Variants in KTN1 observed in about 807,000 individuals in gnomAD.
KTN1 encodes the protein kinectin 1, also known as kinectin.
Under a neutral mutation model 222.5 loss-of-function variants are expected in KTN1, and 130 were observed. The ratio of observed to expected loss-of-function variants is 0.58; its 90% CI spans 0.51 to 0.68. KTN1 has a LOEUF of 0.68. KTN1 is among the 30% of genes least tolerant of loss of function. The pLI is 0.00. For missense variants in KTN1, 1,508 were observed against 1,500.4 expected (o/e 1.01, Z -0.08); for synonymous variants, 512 against 496.3 (o/e 1.03, Z -0.42).
chr14:55,673,134 A>G, intron 39 of KTN1, 38 bp from the exon 40 acceptor site: 1 of 1,553,150 alleles, frequency 6.4e-7, no homozygotes, highest in Non-Finnish European at 8.9e-7. Flanking sequence ...ATGGGCTATC[A>G]TAAGGAGATC....
chr14:55,651,751 C>G, intron 24 of KTN1, 139 bp from the exon 25 acceptor site: 1 of 604,794 alleles, frequency 1.7e-6, no homozygotes. Context: ...GAGGTAAACT[C>G]AAAACACATC....
At chr14:55,601,203 T>A (rs763168678) in intron 1 of KTN1, among the ~76,000 whole-genome samples, 2 of 152,218 alleles carry the variant, frequency 1.3e-5, no homozygotes, top group Non-Finnish European at 2.9e-5. Flanking sequence ...TCACATTGGG[T>A]TAGCAGTACT....
chr14:55,629,864 A>T, intron 6 of KTN1, 93 bp from the exon 7 acceptor site: 2 of 842,228 alleles, frequency 2.4e-6, no homozygotes, highest in African/African-American at 1.7e-5. Flanking sequence ...TGATTATTTT[A>T]CTGATGTTAA....
chr14:55,627,592 C>T (rs925583334), intron 5 of KTN1, among the ~76,000 whole-genome samples: 5 of 152,144 alleles, frequency 3.3e-5, no homozygotes, highest in African/African-American at 1.2e-4. Context: ...TCTCCTAATG[C>T]TATCCCTCCC....
At chr14:55,611,809 T>C (rs570606152) in intron 1 of KTN1, among the ~76,000 whole-genome samples, 15 of 152,354 alleles carry the variant, frequency 9.8e-5, no homozygotes, top group African/African-American at 2.9e-4. Flanking sequence ...TTCTACTCCT[T>C]CTAGTTACCA....
rs560880738 is a variant in KTN1, at chr14:55,652,523, C to G, written c.2604-327C>G. On this transcript the variant is annotated intron_variant, in intron 25 of 43. Coordinates refer to ENST00000395314, the MANE Select transcript of KTN1 (RefSeq NM_001079521.2). ...AAGTGATTGTCTTGCCTCAGCCTCC[C>G]GAGTAGCTGGGACTACAGGCGCGTA... Among the ~76,000 whole-genome samples the G allele has an allele frequency of 2.0e-5, 3 of 151,860 alleles. No homozygotes were observed. The South Asian group carries it at 6.3e-4, about 32-fold the overall frequency.
rs1403330414 is a variant in KTN1, at chr14:55,630,140, C to A, written c.1221+43C>A. The A allele has an allele frequency of 3.2e-6, 5 of 1,576,626 alleles. No homozygotes were observed. The South Asian group carries it at 5.6e-5, about 18-fold the overall frequency. On this transcript the variant is annotated intron_variant, in intron 7 of 43. Transcript: ENST00000395314. Reference sequence around the variant, plus strand: ...GGAAACAAGATGAAATGGTTGCATTCACTTTATTAGCAAACTTTTAAGTGG... The same window carrying A: ...GGAAACAAGATGAAATGGTTGCATTAACTTTATTAGCAAACTTTTAAGTGG...
chr14:55,665,214 T>G (rs1306136489), intron 33 of KTN1, among the ~76,000 whole-genome samples: 2 of 152,048 alleles, frequency 1.3e-5, no homozygotes, highest in Non-Finnish European at 2.9e-5. Flanking sequence ...CAGTCATTTC[T>G]GTCAGCGATG....
At chr14:55,654,493 T>C (rs990761862) in intron 28 of KTN1, among the ~76,000 whole-genome samples, 1 of 152,154 alleles carries the variant, frequency 6.6e-6, no homozygotes, top group African/African-American at 2.4e-5. Context: ...AGTAGAGATA[T>C]GTAGACCATT....
intron 20 of KTN1, 141 bp downstream of exon 20, chr14:55,648,256 T>A: frequency 2.3e-6 from 1 of 432,742 alleles, no homozygotes; most frequent in Non-Finnish European, 4.1e-6. Context: ...AATGCTTTTT[T>A]AATTAAAGTT....
intron 5 of KTN1, among the ~76,000 whole-genome samples, chr14:55,619,751 C>T (rs2038882850): frequency 6.6e-6 from 1 of 152,102 alleles, no homozygotes; most frequent in African/African-American, 2.4e-5. Context: ...AGGTCCCTCC[C>T]ACAACACATG....
chr14:55,617,857 C>A (rs2038607317), intron 3 of KTN1, 107 bp from the exon 4 acceptor site: 2 of 803,950 alleles, frequency 2.5e-6, no homozygotes, highest in African/African-American at 1.7e-5. Context: ...TTTGAGCTAC[C>A]AGTAAATGTT....
chr14:55,648,526 G>T (rs181467702), intron 20 of KTN1, among the ~76,000 whole-genome samples: 143 of 152,312 alleles, frequency 9.4e-4, no homozygotes, highest in Non-Finnish European at 1.8e-3. Context: ...GAGAGGAGTA[G>T]CTTAACTAAC....
chr14:55,585,513 C>G (rs1466078238), intron 1 of KTN1, among the ~76,000 whole-genome samples: 1 of 152,032 alleles, frequency 6.6e-6, no homozygotes, highest in East Asian at 1.9e-4. Context: ...ATAGATTGTA[C>G]TCTAAAAGCA....
At chr14:55,658,427 T>C in intron 29 of KTN1, 119 bp from the exon 30 acceptor site, 1 of 676,826 alleles carries the variant, frequency 1.5e-6, no homozygotes, top group Non-Finnish European at 2.7e-6. Context: ...TTACACCCTT[T>C]AAAATTATTG....
chr14:55,586,845 G>C (rs1205965854), intron 1 of KTN1, among the ~76,000 whole-genome samples: 1 of 152,040 alleles, frequency 6.6e-6, no homozygotes, highest in Non-Finnish European at 1.5e-5. Flanking sequence ...TCGTCCTTTT[G>C]TTTCCAAGAA....
chr14:55,649,556 T>G (rs1360257528), intron 21 of KTN1, among the ~76,000 whole-genome samples: 1 of 152,208 alleles, frequency 6.6e-6, no homozygotes, highest in Non-Finnish European at 1.5e-5. Flanking sequence ...ATCTAATGAT[T>G]TTTTCTTTTG....
chr14:55,617,348 C>G (rs1331557362), intron 3 of KTN1, among the ~76,000 whole-genome samples: 1 of 152,066 alleles, frequency 6.6e-6, no homozygotes, highest in Non-Finnish European at 1.5e-5. Flanking sequence ...TATCTCTAAC[C>G]AGCAGACATT....
chr14:55,646,921 A>C, intron 18 of KTN1, 52 bp from the exon 19 acceptor site: 1 of 1,121,180 alleles, frequency 8.9e-7, no homozygotes, highest in South Asian at 1.3e-5. Flanking sequence ...ATCTGGTTTT[A>C]CTTCATGCAA....
Sources: gnomAD v4.1 joint callset for allele counts (sites outside exome capture counted in the v4.1 genomes callset) on GRCh38, gnomAD v4.1.1 for gene constraint, MANE v1.5 for transcripts, NCBI Gene and HGNC (gene_info 2026-07-23, HGNC 2026-07-21) for gene names.